SYNE2: variants seen among roughly 807,000 people sequenced by gnomAD.
SYNE2 encodes spectrin repeat containing nuclear envelope protein 2, also known as nesprin-2.
In SYNE2, 431 loss-of-function variants were observed where a neutral mutation model predicts 856.3. The observed-to-expected ratio is 0.50, with a 90% CI of 0.47 to 0.55. SYNE2 has a LOEUF of 0.55. Among genes scored for constraint, SYNE2 ranks in the 20% least tolerant of loss-of-function variants. The pLI, the probability that SYNE2 is intolerant of heterozygous loss-of-function variation, is 0.00. For missense variants in SYNE2, 8,129 were observed against 8,023.2 expected (o/e 1.01, Z -0.50); for synonymous variants, 2,923 against 2,872.3 (o/e 1.02, Z -0.56).
In SYNE2 at chr14:64,080,503, G is replaced by A. The variant is rs778731510; in HGVS notation, c.11211G>A (p.Leu3737=). The change falls in exon 56 of 116, where the codon CTG becomes CTA. Residue 3737 remains leucine (L), a synonymous_variant. Coordinates refer to ENST00000555002, the MANE Select transcript of SYNE2 (RefSeq NM_182914.3). ...LDLWHSKLNE[L]DSEVQDIVEQ... is the part of the protein sequence containing the mutation. Reference sequence around the variant, plus strand: ...TATGGCATTCCAAACTAAATGAGCTGGATTCTGAAGTTCAGGACATTGTTG... The same window carrying A: ...TATGGCATTCCAAACTAAATGAGCTAGATTCTGAAGTTCAGGACATTGTTG... 2.5e-6 allele frequency: 4 copies of A among 1,614,190 alleles called. No homozygotes were observed. Among genetic ancestry groups the A allele is most frequent in the South Asian group, 2.2e-5 (2 of 91,084 alleles).
chr14:64,054,162 C>T (rs1015330991), intron 48 of SYNE2, among the ~76,000 whole-genome samples: 9 of 152,204 alleles, frequency 5.9e-5, no homozygotes, highest in African/African-American at 2.2e-4. Flanking sequence ...ACTGCATCTA[C>T]ATGCAGTGCC....
intron 6 of SYNE2, among the ~76,000 whole-genome samples, chr14:63,946,152 C>T (rs945215852): frequency 4.6e-5 from 7 of 151,996 alleles, no homozygotes; most frequent in East Asian, 1.9e-4. Context: ...CTGGGTGCAG[C>T]GGCTCATGGC....
intron 52 of SYNE2, among the ~76,000 whole-genome samples, chr14:64,072,483 G>A (rs2097419369): frequency 6.8e-6 from 1 of 147,352 alleles, no homozygotes; most frequent in South Asian, 2.2e-4. Context: ...ATCAGTAGTA[G>A]GTTGCTACCT....
intron 78 of SYNE2, among the ~76,000 whole-genome samples, chr14:64,136,825 T>C (rs571406087): frequency 7.7e-4 from 117 of 152,284 alleles, no homozygotes; most frequent in African/African-American, 2.7e-3. Flanking sequence ...CCTCTTCATA[T>C]CTAAGTCACC....
At chr14:63,866,607 G>T (rs1193123237) in intron 1 of SYNE2, among the ~76,000 whole-genome samples, 1 of 152,180 alleles carries the variant, frequency 6.6e-6, no homozygotes, top group Admixed American at 6.5e-5. Flanking sequence ...GCTTAAAAGT[G>T]AGAACAGGTA....
At chr14:64,081,283 C>A (rs2097521658) in intron 56 of SYNE2, among the ~76,000 whole-genome samples, 160 bp from the exon 57 acceptor site, 1 of 152,142 alleles carries the variant, frequency 6.6e-6, no homozygotes. Flanking sequence ...TCAGAAGTGT[C>A]ATAGCCTAGA....
intron 37 of SYNE2, 50 bp downstream of exon 37, chr14:64,022,078 A>G (rs2096939733): frequency 6.4e-7 from 1 of 1,556,466 alleles, no homozygotes; most frequent in Admixed American, 1.7e-5. Context: ...TGAAGTATGA[A>G]TGTAGTACTG....
rs539110551 is a variant in SYNE2, at chr14:64,121,952, T to C, written c.13159-60T>C. On this transcript the variant is annotated intron_variant, in intron 68 of 115. Transcript: ENST00000555002. ...TTAGATTTATCTCAGCAGAGGAAACTAGTGGGTACTAATCGAAAAGCTTGA... is the reference window on the plus strand; with the variant it reads ...TTAGATTTATCTCAGCAGAGGAAACCAGTGGGTACTAATCGAAAAGCTTGA... 42 of 1,606,518 alleles carry C rather than the reference T, an allele frequency of 2.6e-5. No homozygotes were observed. The African/African-American group carries it at 4.4e-4, about 17-fold the overall frequency.
At chr14:63,879,401 T>A (rs190370502) in intron 1 of SYNE2, among the ~76,000 whole-genome samples, 3 of 152,296 alleles carry the variant, frequency 2.0e-5, no homozygotes, top group African/African-American at 7.2e-5. Flanking sequence ...CAGGCAGAGA[T>A]CCAGGAGGCC....
At chr14:64,077,637 G>GT (rs10590129) in intron 54 of SYNE2, among the ~76,000 whole-genome samples, 24 of 38,372 alleles carry the variant, frequency 6.3e-4, no homozygotes, top group African/African-American at 1.1e-3. Flanking sequence ...AGATAGAGTT[G>GT]TTTTTTTTTT....
intron 55 of SYNE2, 76 bp from the exon 56 acceptor site, chr14:64,080,380 A>G: frequency 2.2e-6 from 3 of 1,364,612 alleles, no homozygotes; most frequent in Non-Finnish European, 3.1e-6. Flanking sequence ...AAATGTAAAT[A>G]CTGTGTGAAA....
intron 94 of SYNE2, among the ~76,000 whole-genome samples, chr14:64,171,838 A>G (rs1055165269): frequency 6.6e-6 from 1 of 152,148 alleles, no homozygotes; most frequent in African/African-American, 2.4e-5. Flanking sequence ...AGAGGGCAGC[A>G]TGACACTGTT....
intron 87 of SYNE2, among the ~76,000 whole-genome samples, chr14:64,160,841 G>A (rs996126480): frequency 3.3e-5 from 5 of 151,912 alleles, no homozygotes; most frequent in African/African-American, 1.2e-4. Flanking sequence ...CAGAAAAAAA[G>A]CCTTTTGAAT....
chr14:63,916,603 A>C (rs772248041), intron 2 of SYNE2, among the ~76,000 whole-genome samples: 7 of 152,220 alleles, frequency 4.6e-5, no homozygotes, highest in Non-Finnish European at 8.8e-5. Flanking sequence ...GAACTTTTGA[A>C]TGTTCATGAA....
At chr14:64,117,144 A>C (rs989275892) in intron 66 of SYNE2, among the ~76,000 whole-genome samples, 21 of 152,164 alleles carry the variant, frequency 1.4e-4, no homozygotes, top group Admixed American at 2.6e-4. Context: ...GACAACTGAG[A>C]TGGCTACAGA....
intron 1 of SYNE2, among the ~76,000 whole-genome samples, chr14:63,773,816 C>T (rs940004453): frequency 6.6e-6 from 1 of 152,150 alleles, no homozygotes; most frequent in Non-Finnish European, 1.5e-5. Context: ...GTGCAGATAC[C>T]AATGCATTTG....
chr14:64,208,144 C>G (rs1349196902), intron 100 of SYNE2: 1 of 456,110 alleles, frequency 2.2e-6, no homozygotes, highest in South Asian at 1.5e-5. Context: ...CCCCACCTCT[C>G]TCCAAGCCAC....
At chr14:63,902,752 G>A (rs1426126064) in intron 1 of SYNE2, among the ~76,000 whole-genome samples, 1 of 151,464 alleles carries the variant, frequency 6.6e-6, no homozygotes, top group Non-Finnish European at 1.5e-5. Flanking sequence ...GGAGTGCAGC[G>A]GCATGAACAC....
At chr14:64,187,349 A>G (rs2098497116) in intron 97 of SYNE2, among the ~76,000 whole-genome samples, 1 of 152,194 alleles carries the variant, frequency 6.6e-6, no homozygotes, top group African/African-American at 2.4e-5. Context: ...AATGTACCCT[A>G]ATTTTAAATG....
Sources: gnomAD v4.1 joint callset for allele counts (sites outside exome capture counted in the v4.1 genomes callset) on GRCh38, gnomAD v4.1.1 for gene constraint, MANE v1.5 for transcripts, NCBI Gene and HGNC (gene_info 2026-07-23, HGNC 2026-07-21) for gene names.